MEOX1: variants seen among roughly 807,000 people sequenced by gnomAD.
MEOX1 encodes mesenchyme homeobox 1, also known as homeobox protein MOX-1.
Under a neutral mutation model 23.2 loss-of-function variants are expected in MEOX1, and 17 were observed. That is an observed-to-expected ratio of 0.73 (90% CI 0.50 to 1.10). The LOEUF is 1.10. Among genes scored for constraint, MEOX1 ranks in the 50% least tolerant of loss-of-function variants. The pLI is 0.00. For synonymous variants in MEOX1, 134 were observed against 135.1 expected, an observed-to-expected ratio of 0.99 and a Z score of 0.06; for missense variants, 333 against 332.2, an observed-to-expected ratio of 1.00 and a Z score of -0.02.
intron 1 of MEOX1, among the ~76,000 whole-genome samples, chr17:43,654,049 T>G (rs1972967341): frequency 6.6e-6 from 1 of 152,210 alleles, no homozygotes; most frequent in African/African-American, 2.4e-5. Context: ...CGTACAGTCC[T>G]GTACAGTCCC....
intron 1 of MEOX1, among the ~76,000 whole-genome samples, chr17:43,645,335 C>T (rs1252903654): frequency 6.6e-6 from 1 of 151,920 alleles, no homozygotes. Context: ...CGCCACCACG[C>T]CCGGCAAATT....
chr17:43,654,465 G>T (rs1463483734), intron 1 of MEOX1, among the ~76,000 whole-genome samples: 1 of 151,920 alleles, frequency 6.6e-6, no homozygotes, highest in East Asian at 1.9e-4. Context: ...CCGTGATCAC[G>T]CCATTGTGCT....
chr17:43,645,473 G>A (rs994221716), intron 1 of MEOX1, among the ~76,000 whole-genome samples: 7 of 152,154 alleles, frequency 4.6e-5, no homozygotes, highest in African/African-American at 9.7e-5. Context: ...CACTGCGCCC[G>A]GTCCATTTTC....
chr17:43,661,190 T>G lies in MEOX1; in HGVS notation c.345A>C (p.Glu115Asp). ...PNSGPAGGSK[E>D]MGTSSLGLVD... ...CCAGGCCCAGGCTGCTGGTCCCCATTTCCTTGGAACCCCCTGCCGGGCCTG... is the reference window on the plus strand; with the variant it reads ...CCAGGCCCAGGCTGCTGGTCCCCATGTCCTTGGAACCCCCTGCCGGGCCTG... The change falls in exon 1 of 3, where the codon GAA becomes GAC. Residue 115 changes from glutamate (E) to aspartate (D), a missense_variant. Physicochemically the swap from Glu to Asp is conservative, Grantham distance 45 (BLOSUM62 2). Transcript: ENST00000318579. 6.2e-7 allele frequency: 1 copy of G among 1,606,674 alleles called. No individual in the cohort carries two copies. The highest frequency in any genetic ancestry group is 8.5e-7 in the Non-Finnish European group (1 of 1,176,104).
At chr17:43,649,277 T>C (rs1485913413) in intron 1 of MEOX1, among the ~76,000 whole-genome samples, 1 of 149,442 alleles carries the variant, frequency 6.7e-6, no homozygotes, top group African/African-American at 2.4e-5. Context: ...CTTTTAAATG[T>C]CTGGCCTTTC....
At chr17:43,653,612 C>T (rs1009971227) in intron 1 of MEOX1, among the ~76,000 whole-genome samples, 6 of 150,678 alleles carry the variant, frequency 4.0e-5, no homozygotes, top group East Asian at 2.0e-4. Flanking sequence ...CAGGTTCAAG[C>T]GATTCTCCTG....
At chr17:43,657,004 C>T (rs998088559) in intron 1 of MEOX1, among the ~76,000 whole-genome samples, 1 of 113,314 alleles carries the variant, frequency 8.8e-6, no homozygotes, top group African/African-American at 5.1e-5. Flanking sequence ...CTTTTTCTTT[C>T]TTTCTTTCTC....
Position 43,661,619 on chromosome 17 carries a change from A to G in MEOX1, c.-85T>C, listed in dbSNP as rs1333347659. On this transcript the variant is annotated 5_prime_UTR_variant, in exon 1 of 3. Transcript: ENST00000318579. Reference sequence around the variant, plus strand: ...TCAAATTTTTAAAAATGCAAAAGAAAAAAAACTAAATAGGAGGGAAAAATG... The same window carrying G: ...TCAAATTTTTAAAAATGCAAAAGAAGAAAAACTAAATAGGAGGGAAAAATG... 11 of 869,464 alleles carry G rather than the reference A, an allele frequency of 1.3e-5. No individual in the cohort carries two copies. The highest frequency in any genetic ancestry group is 3.1e-5 in the East Asian group (1 of 32,246). 53.9% of individuals were successfully genotyped at this position (869,464 alleles called of 1,614,324 possible).
At chr17:43,649,014 C>G (rs1972862914) in intron 1 of MEOX1, among the ~76,000 whole-genome samples, 1 of 152,296 alleles carries the variant, frequency 6.6e-6, no homozygotes, top group African/African-American at 2.4e-5. Flanking sequence ...CCTTTAGGTT[C>G]TTGGAGCTTC....
rs1256061664 is a variant in MEOX1, at chr17:43,643,493, G to A, written c.637C>T (p.Arg213Cys). Residue 213 changes from arginine to cysteine, a missense_variant, in exon 2 of 3, where the codon CGC becomes TGC. Coordinates refer to ENST00000318579, the MANE Select transcript of MEOX1 (RefSeq NM_004527.4). ...GGGGCCCACCGGGGGCGCACCTGGCGCTCAGAGAGGTCCAGGTTTACCGCA... is the reference window on the plus strand; with the variant it reads ...GGGGCCCACCGGGGGCGCACCTGGCACTCAGAGAGGTCCAGGTTTACCGCA... ...EIAVNLDLSE[R>C]QVKVWFQNRR... 6.3e-6 allele frequency: 10 copies of A among 1,584,102 alleles called. No homozygotes were observed. The highest frequency in any genetic ancestry group is 1.8e-5 in the Admixed American group (1 of 55,366).
At chr17:43,654,641 C>A (rs757954644) in intron 1 of MEOX1, among the ~76,000 whole-genome samples, 1 of 152,040 alleles carries the variant, frequency 6.6e-6, no homozygotes, top group East Asian at 1.9e-4. Context: ...GCCAACATAG[C>A]GAGACCCCTG....
chr17:43,657,030 CTT>C (rs1555567832), intron 1 of MEOX1, among the ~76,000 whole-genome samples: 1 of 129,102 alleles, frequency 7.7e-6, no homozygotes, highest in South Asian at 2.7e-4. Flanking sequence ...TTCTTTCTTT[CTT>C]TCTTTCTTTC....
chr17:43,657,052 T>TTCTCTCTC (rs1370202949), intron 1 of MEOX1, among the ~76,000 whole-genome samples: 114 of 141,316 alleles, frequency 8.1e-4, no homozygotes, highest in African/African-American at 3.0e-3. Context: ...CTTTCTTTCT[T>TTCTCTCTC]TCTTTCCTTC....
At chr17:43,647,655 G>GT (rs1296285960) in intron 1 of MEOX1, among the ~76,000 whole-genome samples, 33 of 152,202 alleles carry the variant, frequency 2.2e-4, no homozygotes, top group Non-Finnish European at 5.9e-5. Flanking sequence ...GCCCCATGAT[G>GT]TCCCCCAAAT....
rs1260030854 is a variant in MEOX1 at position 43,641,893 on chromosome 17, T to A, written c.*17A>T. 5.6e-6 allele frequency: 9 copies of A among 1,608,088 alleles called. No individual in the cohort carries two copies. Among genetic ancestry groups the A allele is most frequent in the Non-Finnish European group, 7.6e-6 (9 of 1,177,340 alleles). ...TAGGGGGCTCAGTCCTTAGTCATTT[T>A]TCCTCCATGCAGAATCTCACTCTGA... On this transcript the variant is annotated 3_prime_UTR_variant, in exon 3 of 3. Transcript: ENST00000318579.
Position 43,661,514 on chromosome 17 carries a change from G to GCTGCTGGCCGCGGGATCCAT in MEOX1, c.1_20dup (p.Ser7ArgfsTer10). On this transcript the variant is annotated frameshift_variant, in exon 1 of 3. Coordinates refer to ENST00000318579, the MANE Select transcript of MEOX1 (RefSeq NM_004527.4). LOFTEE classifies it high-confidence loss of function. ...CTGGGGGCTGGAGGCTCCTCATGCAGCTGCTGGCCGCGGGATCCATCTGCT... is the reference window on the plus strand; with the variant it reads ...CTGGGGGCTGGAGGCTCCTCATGCAGCTGCTGGCCGCGGGATCCATCTGCTGGCCGCGGGATCCATCTGCT... 6.4e-7 allele frequency: 1 copy of GCTGCTGGCCGCGGGATCCAT among 1,573,084 alleles called. No individual in the cohort carries two copies. The highest frequency in any genetic ancestry group is 8.6e-7 in the Non-Finnish European group (1 of 1,160,372).
At chr17:43,660,640 C>A (rs1224330583) in intron 1 of MEOX1, among the ~76,000 whole-genome samples, 2 of 152,222 alleles carry the variant, frequency 1.3e-5, no homozygotes, top group Non-Finnish European at 2.9e-5. Context: ...AGAGCCTTAA[C>A]CTCAGCTGAA....
intron 2 of MEOX1, among the ~76,000 whole-genome samples, chr17:43,642,604 A>G (rs1273122683): frequency 6.6e-6 from 1 of 152,192 alleles, no homozygotes; most frequent in Admixed American, 6.5e-5. Flanking sequence ...GAAATCTGCT[A>G]TCAAATATTA....
intron 1 of MEOX1, among the ~76,000 whole-genome samples, chr17:43,652,952 C>G (rs1390452455): frequency 6.6e-6 from 1 of 150,856 alleles, no homozygotes; most frequent in African/African-American, 2.4e-5. Context: ...CTGCCTCAGC[C>G]TCCCAAGTAG....
Sources: allele counts gnomAD v4.1 joint callset (sites outside exome capture counted in the v4.1 genomes callset), GRCh38; gene constraint gnomAD v4.1.1; transcripts MANE v1.5; gene names NCBI Gene and HGNC (gene_info 2026-07-23, HGNC 2026-07-21).